The following ZNF438 variants were observed in gnomAD, a reference collection of about 807,000 sequenced individuals.
The protein encoded by ZNF438 is zinc finger protein 438.
A neutral mutation model predicts 38.0 loss-of-function variants in ZNF438; 25 were observed. The ratio of observed to expected loss-of-function variants is 0.66; its 90% CI spans 0.48 to 0.92. The LOEUF (loss-of-function observed/expected upper bound fraction) is 0.92. Ranked by LOEUF, ZNF438 falls within the 40% of genes least tolerant of loss-of-function variation. The pLI, the probability that ZNF438 is intolerant of heterozygous loss-of-function variation, is 0.00. For missense variants in ZNF438, 1,007 were observed against 999.6 expected (o/e 1.01, Z -0.10); for synonymous variants, 372 against 364.1 (o/e 1.02, Z -0.25).
intron 1 of ZNF438, among the ~76,000 whole-genome samples, chr10:30,942,185 A>G (rs2046884774): frequency 6.6e-6 from 1 of 152,226 alleles, no homozygotes. Context: ...CTGAATACAA[A>G]GAGAAAGAGA....
chr10:30,870,509 G>T lies in ZNF438; in HGVS notation c.37+6489C>A, dbSNP rs138283434. Among the ~76,000 whole-genome samples the T allele has an allele frequency of 2.1e-3, 322 of 152,098 alleles. 3 individuals carry two copies. The highest frequency in any genetic ancestry group is 7.2e-3 in the African/African-American group (298 of 41,484). On this transcript the variant is annotated intron_variant, in intron 4 of 5. Coordinates refer to ENST00000413025, the Ensembl canonical transcript of ZNF438. ...GGTCTCCAGCATAGTGCTGGGTGCT[G>T]TCTAGTGCTCCTAACACAAGAGAAC...
intron 1 of ZNF438, among the ~76,000 whole-genome samples, chr10:30,946,530 C>A (rs1484945493): frequency 5.3e-5 from 8 of 152,008 alleles, no homozygotes; most frequent in Non-Finnish European, 2.9e-5. Context: ...AAAAAGTGGG[C>A]GAAGGACATG....
chr10:30,983,759 A>G (rs1393596770), intron 1 of ZNF438, among the ~76,000 whole-genome samples: 5 of 152,208 alleles, frequency 3.3e-5, no homozygotes, highest in East Asian at 1.9e-4. Context: ...CAGAAAATCT[A>G]CTTCTAAACT....
intron 1 of ZNF438, among the ~76,000 whole-genome samples, chr10:30,955,864 C>T (rs191034020): frequency 1.3e-5 from 2 of 152,178 alleles, no homozygotes; most frequent in Non-Finnish European, 2.9e-5. Context: ...GTCCCATTAC[C>T]ACCTTCTACA....
At chr10:30,857,760 T>G in intron 4 of ZNF438, 4 of 1,457,730 alleles carry the variant, frequency 2.7e-6, no homozygotes, top group Non-Finnish European at 3.7e-6. Flanking sequence ...CCTCCTCCAT[T>G]GCCATCAAAG....
At position 30,846,814 on chromosome 10, in the gene ZNF438, C is replaced by T. The variant is rs534816788; in HGVS notation, c.1875-1241G>A. ...GTCCAGGAAGGCCCCTTTCCCCCCA[C>T]GGGCTCAAGAAGCACCTGCTCCTGC... On this transcript the variant is annotated intron_variant, in intron 5 of 5. Coordinates refer to ENST00000413025, the Ensembl canonical transcript of ZNF438. 9.2e-5 allele frequency among the ~76,000 whole-genome samples: 14 copies of T among 152,186 alleles called. No homozygotes were observed. In the East Asian group the frequency reaches 1.5e-3, roughly 17 times the overall value.
chr10:30,846,780 C>T (rs1244600123), intron 5 of ZNF438, among the ~76,000 whole-genome samples: 1 of 152,202 alleles, frequency 6.6e-6, no homozygotes, highest in Admixed American at 6.5e-5. Context: ...CATCTCTGCA[C>T]TCTCAGGGGT....
chr10:31,006,843 GAA>G (rs374371202), intron 1 of ZNF438, among the ~76,000 whole-genome samples: 5 of 143,932 alleles, frequency 3.5e-5, no homozygotes, highest in Non-Finnish European at 6.1e-5. Flanking sequence ...TTGGCTAATA[GAA>G]AAAAAAAAAC....
intron 1 of ZNF438, among the ~76,000 whole-genome samples, chr10:31,011,764 G>A (rs1385058806): frequency 6.6e-6 from 1 of 152,150 alleles, no homozygotes; most frequent in Non-Finnish European, 1.5e-5. Flanking sequence ...ATTGCCCATG[G>A]CCAATCAACT....
At chr10:30,856,444 T>G (rs1000593052) in intron 4 of ZNF438, among the ~76,000 whole-genome samples, 1 of 152,060 alleles carries the variant, frequency 6.6e-6, no homozygotes, top group African/African-American at 2.4e-5. Context: ...AAAATGCCAT[T>G]AAGTTTTCAA....
chr10:30,931,228 T>G (rs1170532595), intron 2 of ZNF438, among the ~76,000 whole-genome samples: 1 of 152,212 alleles, frequency 6.6e-6, no homozygotes, highest in Admixed American at 6.5e-5. Context: ...GTCATCTTAC[T>G]GACCATGCCT....
At chr10:31,022,163 G>T (rs2056642131) in intron 1 of ZNF438, among the ~76,000 whole-genome samples, 1 of 152,150 alleles carries the variant, frequency 6.6e-6, no homozygotes, top group Non-Finnish European at 1.5e-5. Context: ...GGACCCAGAA[G>T]CTCCAAAGCA....
At chr10:30,896,616 T>TA (rs781268627) in intron 3 of ZNF438, among the ~76,000 whole-genome samples, 5 of 151,892 alleles carry the variant, frequency 3.3e-5, no homozygotes, top group Non-Finnish European at 5.9e-5. Flanking sequence ...AATTCAAAGA[T>TA]AGACAGCAGA....
chr10:30,883,423 T>C (rs866639962), intron 3 of ZNF438, among the ~76,000 whole-genome samples: 2 of 152,164 alleles, frequency 1.3e-5, no homozygotes, highest in Non-Finnish European at 1.5e-5. Context: ...ATCATCCTCA[T>C]TACCTTTAAA....
At chr10:30,887,719 G>A (rs563362068) in intron 3 of ZNF438, among the ~76,000 whole-genome samples, 2 of 152,202 alleles carry the variant, frequency 1.3e-5, no homozygotes, top group Admixed American at 6.5e-5. Flanking sequence ...GTTGTCTCCT[G>A]TCACTTTACC....
At chr10:30,849,707 A>G (rs2033168575) in exon 5 of ZNF438, 1 of 1,614,054 alleles carries the variant, frequency 6.2e-7, no homozygotes, top group Non-Finnish European at 8.5e-7. Flanking sequence ...AAGAGCTGTG[A>G]GGTCCTGCTT....
intron 1 of ZNF438, among the ~76,000 whole-genome samples, chr10:30,968,944 T>C (rs1009892013): frequency 2.0e-5 from 3 of 152,102 alleles, no homozygotes; most frequent in Non-Finnish European, 4.4e-5. Flanking sequence ...CCAGTGAGTA[T>C]GAGAGCTATT....
intron 1 of ZNF438, among the ~76,000 whole-genome samples, chr10:31,011,637 C>T (rs530560322): frequency 6.6e-6 from 1 of 152,260 alleles, no homozygotes; most frequent in South Asian, 2.1e-4. Flanking sequence ...GGTGTGTCTG[C>T]TTAAAGGAAT....
intron 1 of ZNF438, among the ~76,000 whole-genome samples, chr10:31,021,875 A>T (rs1326586164): frequency 6.6e-6 from 1 of 152,184 alleles, no homozygotes; most frequent in Non-Finnish European, 1.5e-5. Context: ...ACCAATTGAG[A>T]GCAATCATTG....
Sources: allele counts gnomAD v4.1 joint callset (sites outside exome capture counted in the v4.1 genomes callset), GRCh38; gene constraint gnomAD v4.1.1; transcripts MANE v1.5; gene names NCBI Gene and HGNC (gene_info 2026-07-23, HGNC 2026-07-21).